The following CCNE2 variants were observed in gnomAD, a reference collection of about 807,000 sequenced individuals.
CCNE2 encodes the protein cyclin E2.
CCNE2 carries 18 observed loss-of-function variants against 56.8 expected under a neutral mutation model. That is an observed-to-expected ratio of 0.32 (90% confidence interval 0.22 to 0.47). CCNE2 has a LOEUF of 0.47. Ranked by LOEUF, CCNE2 falls within the 20% of genes least tolerant of loss-of-function variation. The probability of loss-of-function intolerance (pLI) is 1.00; values close to 1 mark genes in which losing one functional copy is unlikely to be tolerated. For synonymous variants in CCNE2, 139 were observed against 149.2 expected, an observed-to-expected ratio of 0.93 and a Z score of 0.50; for missense variants, 371 against 467.1, an observed-to-expected ratio of 0.79 and a Z score of 1.90.
rs1230190886 is a variant in CCNE2 at position 94,881,728 on chromosome 8, T to C, written c.1119A>G (p.Ile373Met). 6 of 1,613,878 alleles carry C rather than the reference T, an allele frequency of 3.7e-6. No homozygotes were observed. Among genetic ancestry groups the C allele is most frequent in the South Asian group, 1.1e-5 (1 of 91,080 alleles). The change falls in exon 12 of 12, where the codon ATA becomes ATG. Residue 373 changes from isoleucine to methionine, a missense_variant. Physicochemically the swap from Ile to Met is conservative, Grantham distance 10. Coordinates refer to ENST00000308108, the MANE Select transcript of CCNE2 (RefSeq NM_057749.3). Reference sequence around the variant, plus strand: ...ACTGTCCCCCTTTTCTGAAGGTGTTTATGTAATTTACTTCCTCCTATACAT... The same window carrying C: ...ACTGTCCCCCTTTTCTGAAGGTGTTCATGTAATTTACTTCCTCCTATACAT... ...YLAMLEEVNY[I>M]NTFRKGGQLS...
Position 94,881,796 on chromosome 8 carries a change from A to G in CCNE2, c.1102-51T>C, listed in dbSNP as rs375252243. On this transcript the variant is annotated intron_variant, in intron 11 of 11. Transcript: ENST00000308108. ...TGATTTCATAAATCAAAGTCAAACC[A>G]GACTTCTGGGTACTTATTTGAGATT... 1.9e-6 allele frequency: 3 copies of G among 1,608,250 alleles called. No individual in the cohort carries two copies. In the African/African-American group the frequency reaches 4.0e-5, roughly 22 times the overall value.
chr8:94,882,303 A>T lies in CCNE2; in HGVS notation c.944-14T>A. On this transcript the variant is annotated splice_polypyrimidine_tract_variant and intron_variant, in intron 10 of 11. Transcript: ENST00000308108. The stretch of plus-strand genomic sequence containing the variant: ...CCCACTCCAAACCTAGATAGATAGA[A>T]AAAAGTTAGAAAAGCATGAAGGTTG... 1 of 1,569,844 alleles carries T rather than the reference A, an allele frequency of 6.4e-7. No homozygotes were observed. The highest frequency in any genetic ancestry group is 8.6e-7 in the Non-Finnish European group (1 of 1,158,134).
rs564093120 is a variant in CCNE2, at chr8:94,893,761, C to A, written c.165+130G>T. On this transcript the variant is annotated intron_variant, in intron 4 of 11. Transcript: ENST00000308108. ...CCACCCAAAGATAGGCGCCTTCCTGCTGACCTCTAGGGGCATTAAAAGTAA... is the reference window on the plus strand; with the variant it reads ...CCACCCAAAGATAGGCGCCTTCCTGATGACCTCTAGGGGCATTAAAAGTAA... 340 of 922,518 alleles carry A rather than the reference C, an allele frequency of 3.7e-4. 4 individuals carry two copies. The South Asian group carries it at 5.4e-3, about 15-fold the overall frequency. The allele number at this position is 922,518 out of a possible 1,614,324, so 57.1% of individuals were successfully genotyped here.
chr8:94,892,151 T>G (rs1361553402), intron 5 of CCNE2: 1 of 530,720 alleles, frequency 1.9e-6, no homozygotes, highest in African/African-American at 1.9e-5. Flanking sequence ...AAAAAAATGT[T>G]TTCTCAAGAG....
At position 94,894,003 on chromosome 8, in the gene CCNE2, CCT is replaced by C. The variant is rs1230704355; in HGVS notation, c.111+18_111+19del. The C allele has an allele frequency of 6.2e-7, 1 of 1,613,618 alleles. No homozygotes were observed. The highest frequency in any genetic ancestry group is 1.3e-5 in the African/African-American group (1 of 74,838). On this transcript the variant is annotated intron_variant, in intron 3 of 11. Transcript: ENST00000308108. Reference sequence around the variant, plus strand: ...GTCCCAGCATGGAATTTCGTTCCTCCCTCTTTCTCCTTAAATCACCTGGGTAG... The same window carrying C: ...GTCCCAGCATGGAATTTCGTTCCTCCCTTTCTCCTTAAATCACCTGGGTAG...
chr8:94,893,600 C>CA (rs1439919307), intron 4 of CCNE2: 1 of 367,638 alleles, frequency 2.7e-6, no homozygotes, highest in African/African-American at 2.1e-5. Flanking sequence ...TGCGAGGGAA[C>CA]AAAGAGCAGT....
intron 6 of CCNE2, among the ~76,000 whole-genome samples, chr8:94,890,176 G>A (rs909229049): frequency 6.6e-6 from 1 of 152,204 alleles, no homozygotes; most frequent in Admixed American, 6.5e-5. Flanking sequence ...GTACACAGCA[G>A]TATCCACAGG....
Position 94,880,251 on chromosome 8 carries a change from A to G in CCNE2, c.*1381T>C. The G allele has an allele frequency of 7.0e-7, 1 of 1,419,396 alleles. No homozygotes were observed. The highest frequency in any genetic ancestry group is 9.8e-7 in the Non-Finnish European group (1 of 1,018,950). 87.9% of individuals were successfully genotyped at this position (1,419,396 alleles called of 1,614,324 possible). On this transcript the variant is annotated 3_prime_UTR_variant, in exon 12 of 12. Coordinates refer to ENST00000308108, the MANE Select transcript of CCNE2 (RefSeq NM_057749.3). ...TACTTTTAAGCAGTTAAATTTTTTTAACTTTTATTTTTTAAACAATGGGCT... is the reference window on the plus strand; with the variant it reads ...TACTTTTAAGCAGTTAAATTTTTTTGACTTTTATTTTTTAAACAATGGGCT...
In CCNE2 at chr8:94,882,273, A is replaced by C. The variant is rs146388666; in HGVS notation, c.960T>G (p.Ser320Arg). Reference protein sequence around the residue: ...VKKASGLEWDSISECVDWMVP... With the variant: ...VKKASGLEWDRISECVDWMVP... ...CCATCCAATCTACACATTCTGAAAT[A>C]CTGTCCCACTCCAAACCTAGATAGA... Residue 320 changes from serine (S) to arginine (R), a missense_variant, in exon 11 of 12, where the codon AGT becomes AGG. Coordinates refer to ENST00000308108, the MANE Select transcript of CCNE2 (RefSeq NM_057749.3). 1.2e-6 allele frequency: 2 copies of C among 1,609,298 alleles called. No homozygotes were observed. The highest frequency in any genetic ancestry group is 1.7e-6 in the Non-Finnish European group (2 of 1,178,284).
At chr8:94,895,803 CTCAGCCACGCG>C (rs1020499064), upstream of CCNE2, 192 of 152,568 alleles carry the variant, frequency 1.3e-3, no homozygotes, top group Non-Finnish European at 2.4e-3. Context: ...GTAAACACCA[CTCAGCCACGCG>C]CCTGGCCAAG....
At chr8:94,884,212 C>A (rs1414148764) in intron 9 of CCNE2, among the ~76,000 whole-genome samples, 1 of 152,144 alleles carries the variant, frequency 6.6e-6, no homozygotes, top group Admixed American at 6.5e-5. Context: ...CCCCAAATGT[C>A]TTCCATATGT....
At chr8:94,892,159 G>A in intron 5 of CCNE2, 1 of 512,194 alleles carries the variant, frequency 2.0e-6, no homozygotes, top group Admixed American at 2.4e-5. Flanking sequence ...GTTTTCTCAA[G>A]AGCAATACAA....
intron 6 of CCNE2, among the ~76,000 whole-genome samples, chr8:94,889,538 C>T (rs1817155802): frequency 6.6e-6 from 1 of 152,196 alleles, no homozygotes. Flanking sequence ...TACAATCTTT[C>T]CTTCTAGTCA....
chr8:94,885,085 T>C lies in CCNE2; in HGVS notation c.813A>G (p.Thr271=), dbSNP rs1389630919. The change falls in exon 9 of 12, where the codon ACA becomes ACG. Residue 271 remains threonine, a synonymous_variant. Transcript: ENST00000308108. ...KVLLPQYSQE[T]FIQIAQLLDL... ...TCAGTACCTGAGCTATTTGAATGAA[T>C]GTTTCCTGAGAATACTGAGGTAGAA... 2.5e-6 allele frequency: 4 copies of C among 1,613,314 alleles called. No individual in the cohort carries two copies. Among genetic ancestry groups the C allele is most frequent in the South Asian group, 2.2e-5 (2 of 91,048 alleles).
chr8:94,894,507 C>T (rs1817386699), intron 1 of CCNE2: 1 of 452,838 alleles, frequency 2.2e-6, no homozygotes, highest in Non-Finnish European at 4.0e-6. Flanking sequence ...CTTGAACGCG[C>T]AGGGAGGCAC....
Position 94,881,691 on chromosome 8 carries a change from A to G in CCNE2, c.1156T>C (p.Cys386Arg). Residue 386 changes from cysteine to arginine, a missense_variant, in exon 12 of 12, where the codon TGC (cysteine) becomes CGC (arginine). Coordinates refer to ENST00000308108, the MANE Select transcript of CCNE2 (RefSeq NM_057749.3). ...GGTGGTGTCATAATGCCTCCATTGC[A>G]CACTGGTGACAACTGTCCCCCTTTT... ...FRKGGQLSPV[C>R]NGGIMTPPKS... 1 of 1,613,944 alleles carries G rather than the reference A, an allele frequency of 6.2e-7. No homozygotes were observed.
In CCNE2 at chr8:94,880,470, C is replaced by T; in HGVS notation, c.*1162G>A. 3.2e-6 allele frequency: 1 copy of T among 316,848 alleles called. No individual in the cohort carries two copies. Among genetic ancestry groups the T allele is most frequent in the Non-Finnish European group, 5.7e-6 (1 of 176,774 alleles). The allele number at this position is 316,848 out of a possible 1,614,324, so 19.6% of individuals were successfully genotyped here. A position where few individuals can be genotyped will look rare whatever the true frequency, so the allele number is the denominator to read the frequency against. ...TTCACATATCTGATAACAAAATAAA[C>T]TAGCAATCTAGTTTTCTAATCTACT... On this transcript the variant is annotated 3_prime_UTR_variant, in exon 12 of 12. Coordinates refer to ENST00000308108, the MANE Select transcript of CCNE2 (RefSeq NM_057749.3).
chr8:94,882,125 A>AACAT lies in CCNE2; in HGVS notation c.1101+3_1101+6dup, dbSNP rs1236275804. On this transcript the variant is annotated splice_region_variant and intron_variant, in intron 11 of 11. Coordinates refer to ENST00000308108, the MANE Select transcript of CCNE2 (RefSeq NM_057749.3). ...AGCAAAGCCAAAAAACTCACAAAAA[A>AACAT]ACATACCAGCATAGCCAAATAGTTT... The AACAT allele has an allele frequency of 6.3e-7, 1 of 1,592,160 alleles. No individual in the cohort carries two copies. Among genetic ancestry groups the AACAT allele is most frequent in the African/African-American group, 1.4e-5 (1 of 73,798 alleles).
At chr8:94,886,082 A>G (rs1307186813) in intron 7 of CCNE2, among the ~76,000 whole-genome samples, 1 of 152,164 alleles carries the variant, frequency 6.6e-6, no homozygotes, top group Admixed American at 6.5e-5. Context: ...CAAGGGGCAT[A>G]ATGAATGCAG....
Sources: allele counts gnomAD v4.1 joint callset (sites outside exome capture counted in the v4.1 genomes callset), GRCh38; gene constraint gnomAD v4.1.1; transcripts MANE v1.5; gene names NCBI Gene and HGNC (gene_info 2026-07-23, HGNC 2026-07-21).